BLTP2: variants seen among roughly 807,000 people sequenced by gnomAD.
BLTP2 encodes bridge-like lipid transfer protein family member 2.
chr17:28,635,950 A>G, the BLTP2 span: 1 of 197,334 alleles, frequency 5.1e-6, no homozygotes, highest in African/African-American at 2.3e-5. Context: ...ATCTGGCTTC[A>G]TGTTTCTGCT....
At chr17:28,624,319 T>C in the BLTP2 span, 1 of 1,614,184 alleles carries the variant, frequency 6.2e-7, no homozygotes, top group East Asian at 2.2e-5. Context: ...TGGTCACTCA[T>C]GCCTGATTCC....
chr17:28,628,616 A>G, the BLTP2 span: 6 of 1,451,588 alleles, frequency 4.1e-6, no homozygotes, highest in Non-Finnish European at 5.7e-6. Flanking sequence ...AGTGCCACAG[A>G]GGCAGTGATA....
chr17:28,616,524 G>T, the BLTP2 span: 44,211 of 1,614,128 alleles, frequency 0.027, 710 homozygotes, highest in Non-Finnish European at 0.031. This position sits in a 1 kb window ranked among gnomAD's most constrained non-coding sequence, Gnocchi z 4.8. Flanking sequence ...GAAAAAGCAA[G>T]TGTACCAGCT....
At chr17:28,632,228 G>A in the BLTP2 span, 11 of 1,598,944 alleles carry the variant, frequency 6.9e-6, no homozygotes, top group Non-Finnish European at 9.4e-6. Context: ...AGAATTCGGG[G>A]CTGGGATATT....
the BLTP2 span, chr17:28,643,774 C>T: frequency 9.5e-7 from 1 of 1,055,364 alleles, no homozygotes; most frequent in South Asian, 1.3e-5. Context: ...GCCATGTTGC[C>T]TTGAATCCCA....
chr17:28,638,517 G>A, the BLTP2 span: 5 of 1,603,238 alleles, frequency 3.1e-6, no homozygotes, highest in Non-Finnish European at 3.4e-6. Context: ...CCATCTGAGA[G>A]CCTTACCCAG....
the BLTP2 span, chr17:28,642,377 C>A: frequency 0.033 from 52,418 of 1,581,174 alleles, 998 homozygotes; most frequent in Middle Eastern, 0.041. Flanking sequence ...CCTTGCCGGG[C>A]GCGGTGGCTC....
At chr17:28,637,154 T>G in the BLTP2 span, 1 of 1,614,082 alleles carries the variant, frequency 6.2e-7, no homozygotes, top group South Asian at 1.1e-5. Flanking sequence ...GGGTGTCCAG[T>G]CGTACCTCTG....
At chr17:28,629,345 C>T in the BLTP2 span, among the ~76,000 whole-genome samples, 27 of 152,078 alleles carry the variant, frequency 1.8e-4, no homozygotes, top group Admixed American at 5.2e-4. Flanking sequence ...CGCTGGAGTG[C>T]AGTGGCATGA....
chr17:28,632,203 G>T, the BLTP2 span: 1 of 1,613,474 alleles, frequency 6.2e-7, no homozygotes, highest in African/African-American at 1.3e-5. Flanking sequence ...CCAGCGCAGG[G>T]TACTACTATA....
the BLTP2 span, among the ~76,000 whole-genome samples, chr17:28,618,494 G>C: frequency 1.3e-5 from 2 of 152,014 alleles, no homozygotes; most frequent in African/African-American, 4.8e-5. Context: ...GGGATTACAG[G>C]CATGAACCAC....
the BLTP2 span, chr17:28,635,644 C>A: frequency 6.4e-7 from 1 of 1,573,376 alleles, no homozygotes; most frequent in Non-Finnish European, 8.6e-7. Flanking sequence ...CTGTCAATTA[C>A]CATGTCACAA....
the BLTP2 span, chr17:28,628,539 C>T: frequency 6.2e-7 from 1 of 1,613,654 alleles, no homozygotes; most frequent in Non-Finnish European, 8.5e-7. Flanking sequence ...AGGTAGGATC[C>T]CCATCACGAG....
At chr17:28,632,810 A>AG in the BLTP2 span, 1 of 596,312 alleles carries the variant, frequency 1.7e-6, no homozygotes, top group Non-Finnish European at 2.7e-6. Flanking sequence ...ACAAAAAAAA[A>AG]GGTCCTAACC....
chr17:28,643,909 T>C, the BLTP2 span: 1 of 1,082,182 alleles, frequency 9.2e-7, no homozygotes, highest in Non-Finnish European at 1.3e-6. Context: ...GTTCTCCAAC[T>C]AGCTCTAAGA....
chr17:28,639,921 C>T, the BLTP2 span: 9 of 1,613,940 alleles, frequency 5.6e-6, no homozygotes, highest in Non-Finnish European at 7.6e-6. Context: ...CAGTTCAGTG[C>T]TCATCTGTGC....
the BLTP2 span, chr17:28,635,755 C>T: frequency 5.1e-6 from 4 of 783,934 alleles, no homozygotes; most frequent in Middle Eastern, 7.5e-4. Context: ...TACTGCCTTG[C>T]TTTGTTCCTG....
At chr17:28,638,529 G>C in the BLTP2 span, 1 of 1,608,176 alleles carries the variant, frequency 6.2e-7, no homozygotes, top group Non-Finnish European at 8.5e-7. Context: ...CTTACCCAGA[G>C]AGATAGAATT....
the BLTP2 span, chr17:28,616,576 T>C: frequency 6.2e-7 from 1 of 1,614,002 alleles, no homozygotes. This position sits in a 1 kb window ranked among gnomAD's most constrained non-coding sequence, Gnocchi z 4.8. Context: ...TCTTTGGGGT[T>C]GCTACCCTAT....
Sources: gnomAD v4.1 joint callset for allele counts (sites outside exome capture counted in the v4.1 genomes callset) on GRCh38, gnomAD v4.1.1 for gene constraint, Gnocchi (gnomAD v3.1) non-coding constraint, MANE v1.5 for transcripts, NCBI Gene and HGNC (gene_info 2026-07-23, HGNC 2026-07-21) for gene names.